KHDRBS2: variants seen among roughly 807,000 people sequenced by gnomAD.
KHDRBS2 encodes KH RNA binding domain containing, signal transduction associated 2, also known as KH domain-containing, RNA-binding, signal transduction-associated protein 2.
In KHDRBS2, 26 loss-of-function variants were observed where a neutral mutation model predicts 44.3. That is an observed-to-expected ratio of 0.59 (90% CI 0.43 to 0.81). KHDRBS2 has a LOEUF of 0.81. Ranked by LOEUF, KHDRBS2 falls within the 40% of genes least tolerant of loss-of-function variation. The pLI is 0.00. For missense variants in KHDRBS2, 476 were observed against 433.1 expected (o/e 1.10, Z -0.88); for synonymous variants, 194 against 151.1 (o/e 1.28, Z -2.08).
chr6:61,852,513 G>A (rs1196407154), intron 6 of KHDRBS2, among the ~76,000 whole-genome samples: 4 of 149,836 alleles, frequency 2.7e-5, no homozygotes, highest in Non-Finnish European at 4.4e-5. Flanking sequence ...GCAGTGAGAC[G>A]AGATCGCACC....
chr6:61,901,789 C>T (rs1383337800), intron 4 of KHDRBS2, among the ~76,000 whole-genome samples: 1 of 152,094 alleles, frequency 6.6e-6, no homozygotes, highest in African/African-American at 2.4e-5. Flanking sequence ...CAAATAGCTT[C>T]TGATGCATAA....
intron 2 of KHDRBS2, among the ~76,000 whole-genome samples, chr6:62,168,578 T>A (rs1819178518): frequency 6.6e-6 from 1 of 152,136 alleles, no homozygotes; most frequent in Admixed American, 6.5e-5. Flanking sequence ...ATATCTTGGT[T>A]TATTAGATCC....
intron 1 of KHDRBS2, among the ~76,000 whole-genome samples, chr6:62,264,657 C>T (rs139906906): frequency 2.0e-5 from 3 of 151,664 alleles, no homozygotes; most frequent in East Asian, 1.9e-4. Context: ...AATAATTGAC[C>T]GATTTTACAC....
intron 6 of KHDRBS2, among the ~76,000 whole-genome samples, chr6:61,825,848 C>A (rs1790778350): frequency 6.6e-6 from 1 of 152,028 alleles, no homozygotes. Flanking sequence ...ACCTAGTTCA[C>A]ATCACTGTAT....
At chr6:62,079,786 G>T (rs555734624) in intron 2 of KHDRBS2, among the ~76,000 whole-genome samples, 2 of 151,994 alleles carry the variant, frequency 1.3e-5, no homozygotes, top group Non-Finnish European at 2.9e-5. Flanking sequence ...CATATCCTAA[G>T]TTTCCACATA....
the KHDRBS2 span, among the ~76,000 whole-genome samples, chr6:61,577,319 G>A: frequency 1.3e-5 from 2 of 152,106 alleles, no homozygotes; most frequent in African/African-American, 4.8e-5. Flanking sequence ...TTCCACGCCT[G>A]TGTAAGGTTG....
intron 3 of KHDRBS2, among the ~76,000 whole-genome samples, chr6:61,995,096 C>T (rs1335712179): frequency 4.6e-5 from 7 of 151,850 alleles, no homozygotes; most frequent in South Asian, 4.2e-4. Flanking sequence ...ATTTTTCCTG[C>T]GTTTGAACCC....
the KHDRBS2 span, among the ~76,000 whole-genome samples, chr6:61,619,745 C>A: frequency 3.4e-4 from 51 of 152,208 alleles, no homozygotes; most frequent in East Asian, 9.9e-3. Flanking sequence ...TGAGTCACTG[C>A]GTCTGGCCTA....
intron 6 of KHDRBS2, among the ~76,000 whole-genome samples, chr6:61,860,904 C>T (rs557987): frequency 0.57 from 87,163 of 151,858 alleles, 25,189 homozygotes; most frequent in South Asian, 0.68. Flanking sequence ...CTTTTAATAA[C>T]AGACATTCTG....
chr6:61,944,053 A>C (rs1464360239), intron 4 of KHDRBS2, among the ~76,000 whole-genome samples: 2 of 152,134 alleles, frequency 1.3e-5, no homozygotes, highest in Non-Finnish European at 1.5e-5. Context: ...GGGAACACTT[A>C]TACACTACTG....
chr6:61,886,035 T>C (rs115764662), intron 6 of KHDRBS2, among the ~76,000 whole-genome samples: 268 of 152,286 alleles, frequency 1.8e-3, no homozygotes, highest in African/African-American at 6.2e-3. Context: ...ACCATCCCTG[T>C]TGTCATAGCT....
intron 2 of KHDRBS2, among the ~76,000 whole-genome samples, chr6:62,093,266 G>A (rs1205379735): frequency 6.6e-6 from 1 of 150,976 alleles, no homozygotes; most frequent in Non-Finnish European, 1.5e-5. Context: ...CAAAACACAA[G>A]TCTCAGATGG....
intron 6 of KHDRBS2, among the ~76,000 whole-genome samples, chr6:61,754,627 T>A (rs1256275966): frequency 6.6e-6 from 1 of 151,434 alleles, no homozygotes; most frequent in Non-Finnish European, 1.5e-5. Flanking sequence ...AGGACTTTGC[T>A]CATGGTTTTA....
chr6:62,104,216 A>C (rs1802587389), intron 2 of KHDRBS2, among the ~76,000 whole-genome samples: 1 of 152,216 alleles, frequency 6.6e-6, no homozygotes, highest in Admixed American at 6.5e-5. Flanking sequence ...TCTATTCAAA[A>C]ACAGCATATA....
At chr6:62,106,163 T>A (rs1416710073) in intron 2 of KHDRBS2, among the ~76,000 whole-genome samples, 1 of 152,184 alleles carries the variant, frequency 6.6e-6, no homozygotes, top group Non-Finnish European at 1.5e-5. Context: ...TAATTTCTGT[T>A]CTTTTACATT....
At chr6:61,726,642 A>G (rs112179174) in intron 7 of KHDRBS2, among the ~76,000 whole-genome samples, 53 of 152,272 alleles carry the variant, frequency 3.5e-4, no homozygotes, top group African/African-American at 1.3e-3. Flanking sequence ...ACAAGCAGAG[A>G]GCCAAATCAT....
At chr6:61,783,972 C>T (rs901306864) in intron 6 of KHDRBS2, among the ~76,000 whole-genome samples, 4 of 151,908 alleles carry the variant, frequency 2.6e-5, no homozygotes, top group African/African-American at 9.7e-5. Flanking sequence ...TTACAGCATT[C>T]ATTTCTTATT....
chr6:61,716,698 A>G (rs1771485691), intron 7 of KHDRBS2, among the ~76,000 whole-genome samples: 1 of 152,048 alleles, frequency 6.6e-6, no homozygotes, highest in Non-Finnish European at 1.5e-5. Flanking sequence ...GTATACATTC[A>G]CAAACATTCC....
At chr6:61,917,229 G>A (rs1807188023) in intron 4 of KHDRBS2, among the ~76,000 whole-genome samples, 1 of 151,712 alleles carries the variant, frequency 6.6e-6, no homozygotes, top group Non-Finnish European at 1.5e-5. Context: ...CAAGTAAACT[G>A]TGTGCATCTA....
Sources: allele counts gnomAD v4.1 joint callset (sites outside exome capture counted in the v4.1 genomes callset), GRCh38; gene constraint gnomAD v4.1.1; transcripts MANE v1.5; gene names NCBI Gene and HGNC (gene_info 2026-07-23, HGNC 2026-07-21).